Variants in PROM1 observed in about 807,000 individuals in gnomAD.
PROM1 encodes the protein prominin 1, also known as prominin-1.
In PROM1, 105 loss-of-function variants were observed where a neutral mutation model predicts 116.9. The ratio of observed to expected loss-of-function variants is 0.90; its 90% CI spans 0.77 to 1.06. The LOEUF is 1.06. PROM1 is among the 50% of genes least tolerant of loss of function. The pLI is 0.00. For missense variants in PROM1, 1,122 were observed against 1,045.2 expected (o/e 1.07, Z -1.01); for synonymous variants, 393 against 387.0 (o/e 1.02, Z -0.18).
intron 2 of PROM1, among the ~76,000 whole-genome samples, chr4:16,055,849 C>T (rs745669855): frequency 5.9e-5 from 9 of 151,804 alleles, no homozygotes; most frequent in Admixed American, 2.6e-4. Context: ...GGAAATTAAT[C>T]GTATCTTTTG....
At chr4:15,986,080 A>G (rs1481244984) in intron 20 of PROM1, 43 bp from the exon 21 acceptor site, 2 of 1,391,774 alleles carry the variant, frequency 1.4e-6, no homozygotes, top group African/African-American at 1.4e-5. Flanking sequence ...AAGTCATAGA[A>G]AGTTTTAATT....
rs747854005 is a variant in PROM1 at position 15,987,721 on chromosome 4, C to CAAG, written c.2077-8_2077-6dup. 5.6e-6 allele frequency: 9 copies of CAAG among 1,608,040 alleles called. No homozygotes were observed. The South Asian group carries it at 1.0e-4, about 18-fold the overall frequency. On this transcript the variant is annotated splice_polypyrimidine_tract_variant and splice_region_variant and intron_variant, in intron 19 of 27. Coordinates refer to ENST00000447510, the MANE Select transcript of PROM1 (RefSeq NM_006017.3). ...GACGCTTTGGTATAGAGTGCTCTGG[C>CAAG]AAGAAACAGATAATATTTCCAAAAT...
intron 2 of PROM1, among the ~76,000 whole-genome samples, chr4:16,066,572 G>A (rs551982933): frequency 6.6e-6 from 1 of 152,244 alleles, no homozygotes; most frequent in East Asian, 1.9e-4. Flanking sequence ...TTGATCCCAG[G>A]CACAGGCCAC....
chr4:16,081,970 T>C (rs1745130909), intron 1 of PROM1: 1 of 151,960 alleles, frequency 6.6e-6, no homozygotes, highest in Admixed American at 6.5e-5. Context: ...ACAGCAACAG[T>C]AAGGGGGCTC....
chr4:16,033,902 CATAT>C (rs35739890), intron 4 of PROM1, among the ~76,000 whole-genome samples: 135 of 147,136 alleles, frequency 9.2e-4, no homozygotes, highest in African/African-American at 3.0e-3. Context: ...TGAATGTGTA[CATAT>C]ATATATATAT....
rs576555131 is a variant in PROM1, at chr4:16,073,466, C to T, written c.220+2221G>A. Among the ~76,000 whole-genome samples the T allele has an allele frequency of 1.1e-3, 169 of 152,280 alleles. 1 individual carries two copies. Among genetic ancestry groups the T allele is most frequent in the African/African-American group, 3.9e-3 (164 of 41,570 alleles). ...TATATGTGTCCTCTACATTGCAAAG[C>T]ACCCAGTGGGCACTTTAAGACCACT... is the stretch of plus-strand genomic sequence containing the variant. On this transcript the variant is annotated intron_variant, in intron 2 of 27. Transcript: ENST00000447510.
In PROM1 at chr4:15,998,417, T is replaced by A. The variant is rs1722854863; in HGVS notation, c.1650A>T (p.Ser550=). ...YYLSGKLFNK[S]KMKLTFEQVY... ...CTTGTTCAAAAGTGAGCTTCATTTT[T>A]GATTTATTAAATAGCTTCCCAGAGA... The change falls in exon 15 of 28, where the codon TCA becomes TCT. Residue 550 remains serine (S), a synonymous_variant. Coordinates refer to ENST00000447510, the MANE Select transcript of PROM1 (RefSeq NM_006017.3). 1 of 1,606,518 alleles carries A rather than the reference T, an allele frequency of 6.2e-7. No individual in the cohort carries two copies. Among genetic ancestry groups the A allele is most frequent in the African/African-American group, 1.3e-5 (1 of 74,636 alleles).
At chr4:16,038,913 T>C in intron 3 of PROM1, 33 bp downstream of exon 3, 1 of 1,454,294 alleles carries the variant, frequency 6.9e-7, no homozygotes, top group Non-Finnish European at 9.1e-7. Context: ...ATACTTCGTA[T>C]TTTTAATAAT....
chr4:16,041,040 C>A (rs1211419088), intron 2 of PROM1, among the ~76,000 whole-genome samples: 2 of 152,252 alleles, frequency 1.3e-5, no homozygotes, highest in Non-Finnish European at 2.9e-5. Flanking sequence ...GGGTCTGAAC[C>A]AGCGGGTCTC....
At chr4:16,077,141 G>A (rs893683060) in intron 1 of PROM1, among the ~76,000 whole-genome samples, 5 of 152,158 alleles carry the variant, frequency 3.3e-5, no homozygotes, top group African/African-American at 1.2e-4. Context: ...TTGCAGTTGA[G>A]ACAAGAGGAA....
At position 16,017,590 on chromosome 4, in the gene PROM1, G is replaced by T. The variant is rs922728860; in HGVS notation, c.1002+733C>A. Among the ~76,000 whole-genome samples, 3 of 152,318 alleles carry T rather than the reference G, an allele frequency of 2.0e-5. No individual in the cohort carries two copies. The Middle Eastern group carries it at 0.01, about 518-fold the overall frequency. ...AATCCCAGAACTTTGGGAGGCTAAG[G>T]CAGGCAGATCACTTGAGGTCAGGAG... On this transcript the variant is annotated intron_variant, in intron 9 of 27. Coordinates refer to ENST00000447510, the MANE Select transcript of PROM1 (RefSeq NM_006017.3).
At position 16,006,654 on chromosome 4, in the gene PROM1, G is replaced by C; in HGVS notation, c.1338C>G (p.Thr446=). ...CCAGGTAGTAAAAAATCACGATGAG[G>C]GTCAGCAGAGAGCAGATGACCAGGC... ...LGGLVICSLL[T]LIVIFYYLGL... is the part of the protein sequence containing the mutation. The change falls in exon 13 of 28, where the codon ACC becomes ACG. Residue 446 remains threonine, a synonymous_variant. Coordinates refer to ENST00000447510, the MANE Select transcript of PROM1 (RefSeq NM_006017.3). 6.2e-7 allele frequency: 1 copy of C among 1,613,022 alleles called. No individual in the cohort carries two copies. Among genetic ancestry groups the C allele is most frequent in the Non-Finnish European group, 8.5e-7 (1 of 1,179,602 alleles).
At position 16,032,169 on chromosome 4, in the gene PROM1, GTT is replaced by G. The variant is rs201448651; in HGVS notation, c.509+1133_509+1134del. On this transcript the variant is annotated intron_variant, in intron 5 of 27. Transcript: ENST00000447510. ...CCTGATCTTTTTTTTTTTTAACATA[GTT>G]ACCATGTTCTACACATGGTCTGCAA... Among the ~76,000 whole-genome samples the G allele has an allele frequency of 9.8e-3, 1,434 of 146,394 alleles. 22 individuals are homozygous for G. The highest frequency in any genetic ancestry group is 0.035 in the African/African-American group (1,361 of 39,350).
intron 2 of PROM1, 80 bp downstream of exon 2, chr4:16,075,607 T>A: frequency 7.6e-7 from 1 of 1,309,160 alleles, no homozygotes; most frequent in Non-Finnish European, 1.1e-6. Flanking sequence ...ATATTATATA[T>A]TGATTGCATT....
chr4:16,073,367 A>G (rs1011583225), intron 2 of PROM1, among the ~76,000 whole-genome samples: 1 of 152,182 alleles, frequency 6.6e-6, no homozygotes, highest in African/African-American at 2.4e-5. Context: ...TGCATCTTCA[A>G]TTATGAGGGC....
chr4:16,041,982 A>G (rs780749734), intron 2 of PROM1, among the ~76,000 whole-genome samples: 3 of 151,792 alleles, frequency 2.0e-5, no homozygotes, highest in Non-Finnish European at 4.4e-5. Context: ...ATAACTTTTT[A>G]ATTTGCTTTT....
chr4:16,025,268 G>A lies in PROM1; in HGVS notation c.554C>T (p.Thr185Ile), dbSNP rs1730957490. The A allele has an allele frequency of 6.2e-7, 1 of 1,613,924 alleles. No individual in the cohort carries two copies. The highest frequency in any genetic ancestry group is 8.5e-7 in the Non-Finnish European group (1 of 1,179,784). The change falls in exon 6 of 28, where the codon ACC becomes ATC. Residue 185 changes from threonine to isoleucine, a missense_variant. By Grantham distance (89) the Thr-to-Ile change is moderately conservative. Coordinates refer to ENST00000447510, the MANE Select transcript of PROM1 (RefSeq NM_006017.3). ...CAGTTTCCGACTCCTTTTGATCCGG[G>A]TTCTTACCTGGTGATTTGCCACAAA... is the stretch of plus-strand genomic sequence containing the variant. The part of the protein sequence containing the change: ...YGFVANHQVR[T>I]RIKRSRKLAD...
chr4:16,021,963 AAC>A (rs745621913), intron 8 of PROM1, among the ~76,000 whole-genome samples: 11 of 152,290 alleles, frequency 7.2e-5, no homozygotes, highest in Admixed American at 1.3e-4. Context: ...TCCCTAATCC[AAC>A]AGAACTGATG....
chr4:16,072,479 T>C lies in PROM1; in HGVS notation c.220+3208A>G, dbSNP rs151295625. 2.4e-3 allele frequency among the ~76,000 whole-genome samples: 362 copies of C among 152,278 alleles called. 5 individuals carry two copies. In the East Asian group the frequency reaches 0.039, roughly 16 times the overall value. ...ATTATAACTGAGAAAATTATTACAG[T>C]GAAAGAGATCTGACCTAACCAACTC... On this transcript the variant is annotated intron_variant, in intron 2 of 27. Transcript: ENST00000447510.
Sources: allele counts gnomAD v4.1 joint callset (sites outside exome capture counted in the v4.1 genomes callset), GRCh38; gene constraint gnomAD v4.1.1; transcripts MANE v1.5; gene names NCBI Gene and HGNC (gene_info 2026-07-23, HGNC 2026-07-21).